HECW1: variants seen among roughly 807,000 people sequenced by gnomAD.
HECW1 encodes HECT, C2 and WW domain containing E3 ubiquitin protein ligase 1.
HECW1 carries 61 observed loss-of-function variants against 182.3 expected under a neutral mutation model. That is an observed-to-expected ratio of 0.33 (90% CI 0.27 to 0.41). HECW1 has a LOEUF of 0.41. Ranked by LOEUF, HECW1 falls within the 10% of genes least tolerant of loss-of-function variation. HECW1 has a pLI of 1.00. For synonymous variants in HECW1, 859 were observed against 832.6 expected (o/e 1.03, Z -0.55); for missense variants, 1,739 against 2,108.9 (o/e 0.82, Z 3.44).
intron 5 of HECW1, among the ~76,000 whole-genome samples, chr7:43,345,578 C>A (rs1813573220): frequency 6.6e-6 from 1 of 152,034 alleles, no homozygotes. Context: ...ATCCCTCGAT[C>A]CCCTCTCACT....
intron 29 of HECW1, among the ~76,000 whole-genome samples, chr7:43,560,039 C>T (rs1387243111): frequency 6.6e-6 from 1 of 152,100 alleles, no homozygotes; most frequent in East Asian, 1.9e-4. Context: ...CTCATGAGTG[C>T]CAGTTAAAAT....
intron 5 of HECW1, among the ~76,000 whole-genome samples, chr7:43,356,790 A>G (rs1815197983): frequency 6.6e-6 from 1 of 152,104 alleles, no homozygotes; most frequent in Non-Finnish European, 1.5e-5. Flanking sequence ...CTCCTGAACA[A>G]CTAATGGAGA....
At chr7:43,509,433 C>A in intron 24 of HECW1, 1 of 224,152 alleles carries the variant, frequency 4.5e-6, no homozygotes. Context: ...ATCATAGGGT[C>A]CCAGTGGAAG....
rs1272693604 is a variant in HECW1 at position 43,552,124 on chromosome 7, G to A, written c.4396-98G>A. 4.1e-6 allele frequency: 3 copies of A among 737,736 alleles called. No individual in the cohort carries two copies. In the African/African-American group the frequency reaches 5.2e-5, roughly 13 times the overall value. The allele number at this position is 737,736 out of a possible 1,614,324, so 45.7% of individuals were successfully genotyped here. A position where few individuals can be genotyped will look rare whatever the true frequency, so the allele number is the denominator to read the frequency against. On this transcript the variant is annotated intron_variant, in intron 27 of 29. Coordinates refer to ENST00000395891, the MANE Select transcript of HECW1 (RefSeq NM_015052.5). The stretch of plus-strand genomic sequence containing the variant: ...CAGACTCAAAAAAAGTATTGCCAGT[G>A]ATGGTCAATTTCCCAGTTTAACCCA...
At chr7:43,331,048 CATACGTA>C (rs1456280486) in intron 5 of HECW1, among the ~76,000 whole-genome samples, 1 of 151,948 alleles carries the variant, frequency 6.6e-6, no homozygotes, top group Non-Finnish European at 1.5e-5. Context: ...AGGTTTGTTA[CATACGTA>C]TACATGTGCC....
At chr7:43,237,021 T>G (rs1425337783) in intron 2 of HECW1, among the ~76,000 whole-genome samples, 5 of 150,830 alleles carry the variant, frequency 3.3e-5, no homozygotes, top group Admixed American at 6.6e-5. Flanking sequence ...CAATGATTAA[T>G]TTCAGAAAGA....
chr7:43,468,703 G>T (rs1367619633), intron 15 of HECW1, among the ~76,000 whole-genome samples: 1 of 152,008 alleles, frequency 6.6e-6, no homozygotes, highest in African/African-American at 2.4e-5. Flanking sequence ...TAAATTTTTT[G>T]TAGAGACAGG....
At chr7:43,325,698 C>A (rs1810666883) in intron 5 of HECW1, among the ~76,000 whole-genome samples, 1 of 152,162 alleles carries the variant, frequency 6.6e-6, no homozygotes, top group Non-Finnish European at 1.5e-5. Context: ...TCATTTTCAA[C>A]CTCCGTGCCT....
chr7:43,404,551 G>A (rs2075538879), intron 7 of HECW1, among the ~76,000 whole-genome samples: 2 of 152,342 alleles, frequency 1.3e-5, no homozygotes, highest in South Asian at 4.1e-4. Flanking sequence ...ATGAAGACAT[G>A]TTGGTGCAGA....
intron 2 of HECW1, among the ~76,000 whole-genome samples, chr7:43,134,496 A>G (rs1267420686): frequency 1.3e-5 from 2 of 149,522 alleles, no homozygotes; most frequent in African/African-American, 4.9e-5. Context: ...AAGTGTTTTT[A>G]TGTTTAAATT....
At chr7:43,225,811 G>T (rs76740961) in intron 2 of HECW1, among the ~76,000 whole-genome samples, 8,831 of 151,876 alleles carry the variant, frequency 0.058, 319 homozygotes, top group South Asian at 0.12. Context: ...TTGGGACAGG[G>T]TCTCACTGTG....
At chr7:43,161,190 G>A (rs1459435595) in intron 2 of HECW1, among the ~76,000 whole-genome samples, 26 of 151,998 alleles carry the variant, frequency 1.7e-4, no homozygotes, top group Non-Finnish European at 7.4e-5. Context: ...TTTTTCAAGA[G>A]GCCTCCCTTT....
chr7:43,516,643 C>G lies in HECW1; in HGVS notation c.4019+7522C>G, dbSNP rs375292340. ...CCTTCTCTATTCCTAGGAAGAATAC[C>G]AGCGCCTCAGACACATTTTCTTTGT... On this transcript the variant is annotated intron_variant, in intron 24 of 29. Transcript: ENST00000395891. Among the ~76,000 whole-genome samples, 18 of 152,202 alleles carry G rather than the reference C, an allele frequency of 1.2e-4. No homozygotes were observed. The East Asian group carries it at 2.9e-3, about 24-fold the overall frequency.
chr7:43,171,312 C>T (rs532255927), intron 2 of HECW1, among the ~76,000 whole-genome samples: 1 of 152,322 alleles, frequency 6.6e-6, no homozygotes, highest in East Asian at 1.9e-4. Context: ...CACACACACA[C>T]ACTCAGATGG....
intron 26 of HECW1, among the ~76,000 whole-genome samples, chr7:43,543,216 G>C (rs1205027848): frequency 6.6e-6 from 1 of 152,094 alleles, no homozygotes; most frequent in Non-Finnish European, 1.5e-5. Context: ...TCGTAACAGC[G>C]GTTGTTGTGA....
intron 5 of HECW1, among the ~76,000 whole-genome samples, chr7:43,357,910 A>C (rs547691799): frequency 6.6e-6 from 1 of 152,318 alleles, no homozygotes; most frequent in Admixed American, 6.5e-5. Context: ...AAAAACTATA[A>C]ATGGAAGAAA....
chr7:43,133,098 A>G (rs17172164), intron 2 of HECW1, among the ~76,000 whole-genome samples: 2,281 of 152,232 alleles, frequency 0.015, 63 homozygotes, highest in African/African-American at 0.052. Flanking sequence ...TAATGAAATG[A>G]TCAATTACAT....
At chr7:43,286,119 T>C (rs140503828) in intron 3 of HECW1, among the ~76,000 whole-genome samples, 17 of 152,208 alleles carry the variant, frequency 1.1e-4, no homozygotes, top group African/African-American at 4.1e-4. Flanking sequence ...TTGCCCTTGC[T>C]TTCAAGAGAG....
At chr7:43,403,679 T>C (rs2075504219) in intron 7 of HECW1, among the ~76,000 whole-genome samples, 1 of 152,192 alleles carries the variant, frequency 6.6e-6, no homozygotes, top group African/African-American at 2.4e-5. Flanking sequence ...GATATATTCT[T>C]GTCTCTTACA....
Sources: allele counts gnomAD v4.1 joint callset (sites outside exome capture counted in the v4.1 genomes callset), GRCh38; gene constraint gnomAD v4.1.1; transcripts MANE v1.5; gene names NCBI Gene and HGNC (gene_info 2026-07-23, HGNC 2026-07-21).